Variants in HEMGN observed in about 807,000 individuals in gnomAD.
The protein encoded by HEMGN is hemogen, also known as erythroid differentiation-associated gene protein.
In HEMGN, 32 loss-of-function variants were observed where a neutral mutation model predicts 45.7. The observed-to-expected ratio is 0.70, with a 90% CI of 0.53 to 0.94. The LOEUF (loss-of-function observed/expected upper bound fraction) is 0.94. Ranked by LOEUF, HEMGN falls within the 40% of genes least tolerant of loss-of-function variation. HEMGN has a pLI of 0.00. For synonymous variants in HEMGN, 183 were observed against 178.6 expected (o/e 1.02, Z -0.20); for missense variants, 530 against 564.2 (o/e 0.94, Z 0.61).
rs1826917977 is a variant in HEMGN at position 97,930,269 on chromosome 9, C to T, written c.1126G>A (p.Gly376Arg). The T allele has an allele frequency of 6.2e-7, 1 of 1,613,902 alleles. No homozygotes were observed. Among genetic ancestry groups the T allele is most frequent in the African/African-American group, 1.3e-5 (1 of 74,872 alleles). The change falls in exon 3 of 4, where the codon GGG (glycine) becomes AGG (arginine). Residue 376 changes from glycine (G) to arginine (R), a missense_variant. Gly to Arg is a moderately radical substitution (Grantham distance 125). Coordinates refer to ENST00000616898, the MANE Select transcript of HEMGN (RefSeq NM_197978.3). ...YSPETYQEIPGLEEYSPEIYQ... is the reference protein window; with the variant it reads ...YSPETYQEIPRLEEYSPEIYQ... The stretch of plus-strand genomic sequence containing the variant: ...ATTTCAGGTGAATATTCTTCAAGCC[C>T]AGGTATTTCTTGATACGTTTCAGGT...
In HEMGN at chr9:97,930,383, G is replaced by A. The variant is rs1826922212; in HGVS notation, c.1012C>T (p.Pro338Ser). ...TCNEIIVPKA[P>S]SHKTIQETPH... ...GTTTCTTGGATTGTTTTATGAGAGG[G>A]GGCTTTAGGCACAATAATTTCGTTA... The change falls in exon 3 of 4, where the codon CCC becomes TCC. Residue 338 changes from proline to serine, a missense_variant. Coordinates refer to ENST00000616898, the MANE Select transcript of HEMGN (RefSeq NM_197978.3). The A allele has an allele frequency of 2.5e-6, 4 of 1,613,642 alleles. No individual in the cohort carries two copies. The African/African-American group carries it at 5.3e-5, about 22-fold the overall frequency.
intron 3 of HEMGN, among the ~76,000 whole-genome samples, chr9:97,928,025 A>ATTTT (rs568022099): frequency 1.6e-5 from 2 of 127,474 alleles, no homozygotes; most frequent in African/African-American, 2.9e-5. Flanking sequence ...GATCAAGTGT[A>ATTTT]TTTTTTTTTT....
chr9:97,932,088 C>T (rs969213487), intron 2 of HEMGN, among the ~76,000 whole-genome samples: 1 of 152,134 alleles, frequency 6.6e-6, no homozygotes, highest in Admixed American at 6.5e-5. Flanking sequence ...GGAGCCTTCT[C>T]TAAGAGACTA....
chr9:97,930,988 AT>A lies in HEMGN; in HGVS notation c.406del (p.Ile136TyrfsTer18). On this transcript the variant is annotated frameshift_variant, in exon 3 of 4. Transcript: ENST00000616898. LOFTEE classifies it high-confidence loss of function. ...KVVPEEHFSEICQESNIYQEN... is the reference protein window; with the variant it reads ...KVVPEEHFSEXCQESNIYQEN... Reference sequence around the variant, plus strand: ...CTGATATATGTTACTTTCTTGACATATTTCAGAAAAGTGTTCCTCAGGCACA... The same window carrying A: ...CTGATATATGTTACTTTCTTGACATATTCAGAAAAGTGTTCCTCAGGCACA... The A allele has an allele frequency of 6.2e-7, 1 of 1,614,160 alleles. No homozygotes were observed. Among genetic ancestry groups the A allele is most frequent in the Non-Finnish European group, 8.5e-7 (1 of 1,180,010 alleles).
At chr9:97,935,783 T>A (rs1827046494) in intron 2 of HEMGN, among the ~76,000 whole-genome samples, 1 of 152,216 alleles carries the variant, frequency 6.6e-6, no homozygotes, top group Admixed American at 6.5e-5. Context: ...CAGTAAAGAT[T>A]TAGCTAATAG....
chr9:97,930,941 C>G lies in HEMGN; in HGVS notation c.454G>C (p.Glu152Gln), dbSNP rs143681169. 1 of 1,614,166 alleles carries G rather than the reference C, an allele frequency of 6.2e-7. No homozygotes were observed. Among genetic ancestry groups the G allele is most frequent in the South Asian group, 1.1e-5 (1 of 91,092 alleles). ...GAAGAATGGTTTTGTACTGCTATTT[C>G]TTGGTACTCAGAAAAATTCTCCTGA... ...IYQENFSEYQ[E>Q]IAVQNHSSET... Residue 152 changes from glutamate to glutamine, a missense_variant, in exon 3 of 4, where the codon GAA becomes CAA. Coordinates refer to ENST00000616898, the MANE Select transcript of HEMGN (RefSeq NM_197978.3).
chr9:97,942,468 G>A (rs1827167444), upstream of HEMGN, among the ~76,000 whole-genome samples: 1 of 151,414 alleles, frequency 6.6e-6, no homozygotes, highest in Admixed American at 6.6e-5. Flanking sequence ...TATTTTTTTT[G>A]TAGAGATAGG....
At position 97,938,058 on chromosome 9, in the gene HEMGN, C is replaced by A; in HGVS notation, c.79G>T (p.Glu27Ter). ...CAGCTCTTAAGGTATTTTTCATTAC[C>A]TGGAGAATGGTTCTCTTCTTGATGA... ...DPHQEENHSP[E>*]VIGTWSLRNR... Residue 27 changes from glutamate to a stop codon, truncating the protein, a stop_gained and splice_region_variant, in exon 1 of 4, where the codon GAA (glutamate) becomes TAA (stop). Transcript: ENST00000616898. LOFTEE classifies it high-confidence loss of function. 1.3e-6 allele frequency: 2 copies of A among 1,599,150 alleles called. No individual in the cohort carries two copies. The highest frequency in any genetic ancestry group is 1.1e-5 in the South Asian group (1 of 89,932).
intron 1 of HEMGN, 21 bp from the exon 2 acceptor site, chr9:97,936,285 T>C: frequency 6.6e-7 from 1 of 1,505,488 alleles, no homozygotes. Context: ...ATGAAAGTGA[T>C]TAGAAAAAGT....
chr9:97,931,100 T>C lies in HEMGN; in HGVS notation c.295A>G (p.Lys99Glu), dbSNP rs1231885762. Reference protein sequence around the residue: ...QPQIEKEIVEKALAPIEKKTE... With the variant: ...QPQIEKEIVEEALAPIEKKTE... ...TTTTTCTCTATAGGTGCCAGTGCTT[T>C]CTCCACTATTTCCTTTTCTATCTGT... The change falls in exon 3 of 4, where the codon AAA becomes GAA. Residue 99 changes from lysine (K) to glutamate (E), a missense_variant. Coordinates refer to ENST00000616898, the MANE Select transcript of HEMGN (RefSeq NM_197978.3). 6.2e-7 allele frequency: 1 copy of C among 1,614,112 alleles called. No homozygotes were observed. The highest frequency in any genetic ancestry group is 1.7e-5 in the Admixed American group (1 of 60,030).
At chr9:97,940,041 T>C (rs915174916), upstream of HEMGN, among the ~76,000 whole-genome samples, 4 of 152,222 alleles carry the variant, frequency 2.6e-5, no homozygotes, top group African/African-American at 9.6e-5. Context: ...TAATTCTTAT[T>C]AGTTAGGTTG....
intron 2 of HEMGN, 55 bp downstream of exon 2, chr9:97,936,116 G>A (rs1197741842): frequency 1.8e-6 from 2 of 1,125,670 alleles, no homozygotes; most frequent in East Asian, 4.7e-5. Context: ...ACTACTTTAT[G>A]CATAACATCC....
chr9:97,942,274 C>CTTTTTTTTTTTTTTTTTTTTTTTTTT (rs56055830), upstream of HEMGN, among the ~76,000 whole-genome samples: 1 of 128,188 alleles, frequency 7.8e-6, no homozygotes, highest in Non-Finnish European at 1.6e-5. Flanking sequence ...CTAATTCCTT[C>CTTTTTTTTTTTTTTTTTTTTTTTTTT]TTTTTTTTTT....
In HEMGN at chr9:97,936,271, T is replaced by A. The variant is rs1161138494; in HGVS notation, c.80-7A>T. 5 of 1,582,976 alleles carry A rather than the reference T, an allele frequency of 3.2e-6. No homozygotes were observed. Among genetic ancestry groups the A allele is most frequent in the Non-Finnish European group, 4.3e-6 (5 of 1,154,472 alleles). ...CTCCAGGTTCCAATGACTTCTGTAA[T>A]AAAATGAAAGTGATTAGAAAAAGTG... On this transcript the variant is annotated splice_polypyrimidine_tract_variant and splice_region_variant and intron_variant, in intron 1 of 3. Coordinates refer to ENST00000616898, the MANE Select transcript of HEMGN (RefSeq NM_197978.3).
chr9:97,936,400 A>G, intron 1 of HEMGN, 136 bp from the exon 2 acceptor site: 1 of 644,932 alleles, frequency 1.6e-6, no homozygotes. Context: ...CATCTCATTT[A>G]TCCTTGTATC....
intron 1 of HEMGN, among the ~76,000 whole-genome samples, chr9:97,937,027 A>G (rs910932797): frequency 6.6e-6 from 1 of 152,158 alleles, no homozygotes; most frequent in Non-Finnish European, 1.5e-5. Context: ...AAGTGATACA[A>G]ATCCACACTG....
At chr9:97,940,231 A>G (rs1227184521), upstream of HEMGN, among the ~76,000 whole-genome samples, 2 of 152,196 alleles carry the variant, frequency 1.3e-5, no homozygotes, top group African/African-American at 4.8e-5. Context: ...CGGATGGTGC[A>G]GTTCCTGAGC....
rs1181940972 is a variant in HEMGN, at chr9:97,927,492, TAAAATAA to T, written c.1361-21_1361-15del. On this transcript the variant is annotated splice_polypyrimidine_tract_variant and intron_variant, in intron 3 of 3. Transcript: ENST00000616898. ...TTTCTTTCATTTCTGTAAAATCAAATAAAATAAAAAATAGATTCAATAAATTGTATTG... is the reference window on the plus strand; with the variant it reads ...TTTCTTTCATTTCTGTAAAATCAAATAAAATAGATTCAATAAATTGTATTG... The T allele has an allele frequency of 6.5e-7, 1 of 1,527,438 alleles. No individual in the cohort carries two copies. The highest frequency in any genetic ancestry group is 1.7e-5 in the Admixed American group (1 of 59,046). 94.6% of individuals were successfully genotyped at this position (1,527,438 alleles called of 1,614,324 possible). A position where few individuals can be genotyped will look rare whatever the true frequency, so the allele number is the denominator to read the frequency against.
chr9:97,938,278 GTTT>G, upstream of HEMGN: 2 of 628,550 alleles, frequency 3.2e-6, no homozygotes, highest in Non-Finnish European at 5.7e-6. Flanking sequence ...CCGCCTAAAA[GTTT>G]TATCTGGTTG....
Sources: allele counts gnomAD v4.1 joint callset (sites outside exome capture counted in the v4.1 genomes callset), GRCh38; gene constraint gnomAD v4.1.1; transcripts MANE v1.5; gene names NCBI Gene and HGNC (gene_info 2026-07-23, HGNC 2026-07-21).